The following HHAT variants were observed in gnomAD, a reference collection of about 807,000 sequenced individuals.
HHAT encodes the protein protein-cysteine N-palmitoyltransferase HHAT.
In HHAT, 47 loss-of-function variants were observed where a neutral mutation model predicts 70.8. The ratio of observed to expected loss-of-function variants is 0.66; its 90% CI spans 0.53 to 0.85. The LOEUF is 0.85. Ranked by LOEUF, HHAT falls within the 40% of genes least tolerant of loss-of-function variation. The pLI, the probability that HHAT is intolerant of heterozygous loss-of-function variation, is 0.00. For synonymous variants in HHAT, 228 were observed against 247.6 expected (o/e 0.92, Z 0.74); for missense variants, 609 against 604.8 (o/e 1.01, Z -0.07).
intron 8 of HHAT, among the ~76,000 whole-genome samples, chr1:210,482,560 G>C (rs951891663): frequency 6.6e-6 from 1 of 152,078 alleles, no homozygotes; most frequent in African/African-American, 2.4e-5. Flanking sequence ...TTTTACAACC[G>C]TGATCCCAGC....
chr1:210,531,801 C>T (rs1464183697), intron 9 of HHAT, among the ~76,000 whole-genome samples: 1 of 152,148 alleles, frequency 6.6e-6, no homozygotes, highest in African/African-American at 2.4e-5. Flanking sequence ...TAAGAAATAT[C>T]GACATAACTG....
chr1:210,582,828 C>T (rs1347005300), intron 9 of HHAT, among the ~76,000 whole-genome samples: 1 of 152,204 alleles, frequency 6.6e-6, no homozygotes. Context: ...GAAGTTATAC[C>T]TCTTGTCTTC....
chr1:210,599,340 G>A (rs1281500622), intron 10 of HHAT, among the ~76,000 whole-genome samples: 1 of 152,142 alleles, frequency 6.6e-6, no homozygotes, highest in Non-Finnish European at 1.5e-5. Context: ...TGACCCTGCT[G>A]TTACTTGGAA....
rs200176256 is a variant in HHAT, at chr1:210,400,491, C to T, written c.297C>T (p.Leu99=). Residue 99 remains leucine, a synonymous_variant, in exon 5 of 12, where the codon CTC becomes CTT. Transcript: ENST00000261458. ...AGCACAGACCCTGGATTCTCATGCTCTATGGGATGTGGGCCTGCTGGTGTG... is the reference window on the plus strand; with the variant it reads ...AGCACAGACCCTGGATTCTCATGCTTTATGGGATGTGGGCCTGCTGGTGTG... The part of the protein sequence containing the change: ...ARKHRPWILM[L]YGMWACWCVL... 19 of 1,613,124 alleles carry T rather than the reference C, an allele frequency of 1.2e-5. No homozygotes were observed. Among genetic ancestry groups the T allele is most frequent in the Non-Finnish European group, 1.4e-5 (16 of 1,179,656 alleles).
At chr1:210,403,667 A>C (rs2092188246) in intron 5 of HHAT, among the ~76,000 whole-genome samples, 1 of 152,208 alleles carries the variant, frequency 6.6e-6, no homozygotes. Context: ...CCTTTGACCC[A>C]AGTTCTATTT....
At chr1:210,633,797 C>G (rs1323178387) in intron 11 of HHAT, among the ~76,000 whole-genome samples, 5 of 152,166 alleles carry the variant, frequency 3.3e-5, no homozygotes, top group Non-Finnish European at 5.9e-5. Flanking sequence ...CCCACCAACC[C>G]AGGGCCGAAG....
At chr1:210,644,602 C>CAAAAAAAA (rs57190952) in intron 11 of HHAT, among the ~76,000 whole-genome samples, 3 of 64,032 alleles carry the variant, frequency 4.7e-5, no homozygotes, top group Non-Finnish European at 8.0e-5. Flanking sequence ...GACTCCATCT[C>CAAAAAAAA]AAAAAAAAAA....
intron 8 of HHAT, among the ~76,000 whole-genome samples, chr1:210,490,399 T>A (rs943085285): frequency 6.6e-6 from 1 of 152,210 alleles, no homozygotes; most frequent in Admixed American, 6.5e-5. Flanking sequence ...TGGAGTGATG[T>A]CTCTACTGAT....
chr1:210,478,174 T>C (rs742565), intron 8 of HHAT, among the ~76,000 whole-genome samples: 25,527 of 152,226 alleles, frequency 0.17, 2,362 homozygotes, highest in East Asian at 0.43. Flanking sequence ...TCACTCACTC[T>C]AATAGGATTG....
At chr1:210,410,004 C>A (rs952069988) in intron 6 of HHAT, among the ~76,000 whole-genome samples, 3 of 151,834 alleles carry the variant, frequency 2.0e-5, no homozygotes, top group Admixed American at 2.0e-4. Flanking sequence ...ATTAGATGAG[C>A]TATATATGGT....
intron 1 of HHAT, among the ~76,000 whole-genome samples, chr1:210,337,077 A>T (rs1007043913): frequency 6.6e-6 from 1 of 152,174 alleles, no homozygotes; most frequent in Non-Finnish European, 1.5e-5. Context: ...GGCTTGAGGG[A>T]ATTTCATATA....
chr1:210,494,568 T>TTTTTTTTTTTTTTTTTTTA (rs2094603397), intron 8 of HHAT, among the ~76,000 whole-genome samples: 1 of 116,314 alleles, frequency 8.6e-6, no homozygotes, highest in Non-Finnish European at 1.8e-5. Context: ...TTTTTTTTTT[T>TTTTTTTTTTTTTTTTTTTA]TGAGACAGAG....
chr1:210,623,595 C>T lies in HHAT; in HGVS notation c.1315C>T (p.Leu439=), dbSNP rs540795271. The change falls in exon 11 of 12, where the codon CTG becomes TTG. Residue 439 remains leucine, a synonymous_variant. Coordinates refer to ENST00000261458, the MANE Select transcript of HHAT (RefSeq NM_018194.6). The part of the protein sequence containing the change: ...AALASCSTSM[L]ILSNLVFLGG... ...CCTTGCTTCTTGTTCCACCTCGATG[C>T]TGATCCTGTCCAACCTGGTATTTCT... 2 of 1,614,098 alleles carry T rather than the reference C, an allele frequency of 1.2e-6. No individual in the cohort carries two copies. Among genetic ancestry groups the T allele is most frequent in the African/African-American group, 2.7e-5 (2 of 75,038 alleles).
intron 8 of HHAT, among the ~76,000 whole-genome samples, chr1:210,501,950 A>G (rs1320342847): frequency 6.6e-6 from 1 of 151,496 alleles, no homozygotes; most frequent in African/African-American, 2.4e-5. Context: ...AATATGTGGG[A>G]ACCCTCATCC....
At chr1:210,379,804 C>T (rs2090494951) in intron 3 of HHAT, among the ~76,000 whole-genome samples, 1 of 152,100 alleles carries the variant, frequency 6.6e-6, no homozygotes. Context: ...GTTCTCCATA[C>T]TTTAGTTTAT....
intron 1 of HHAT, among the ~76,000 whole-genome samples, chr1:210,346,309 C>A (rs1208096804): frequency 6.6e-6 from 1 of 152,090 alleles, no homozygotes; most frequent in Non-Finnish European, 1.5e-5. Context: ...GCAAAGAGGT[C>A]ATCCGATGTA....
intron 10 of HHAT, among the ~76,000 whole-genome samples, chr1:210,618,892 T>A (rs931176490): frequency 6.6e-6 from 1 of 152,238 alleles, no homozygotes; most frequent in African/African-American, 2.4e-5. Flanking sequence ...CAAACGAGTT[T>A]GACGTAAGTT....
At chr1:210,473,465 G>C (rs1212422934) in intron 8 of HHAT, among the ~76,000 whole-genome samples, 3 of 152,016 alleles carry the variant, frequency 2.0e-5, no homozygotes. Context: ...TCAGAGTTTT[G>C]TTTTCAGTTT....
intron 3 of HHAT, among the ~76,000 whole-genome samples, chr1:210,366,134 T>C (rs2088938214): frequency 6.6e-6 from 1 of 152,006 alleles, no homozygotes; most frequent in African/African-American, 2.4e-5. Context: ...CTCACTATAT[T>C]ACCCAGGCTG....
Sources: gnomAD v4.1 joint callset for allele counts (sites outside exome capture counted in the v4.1 genomes callset) on GRCh38, gnomAD v4.1.1 for gene constraint, MANE v1.5 for transcripts, NCBI Gene and HGNC (gene_info 2026-07-23, HGNC 2026-07-21) for gene names.